The following ADAMTS17 variants were observed in gnomAD, a reference collection of about 807,000 sequenced individuals.
ADAMTS17 encodes the protein A disintegrin and metalloproteinase with thrombospondin motifs 17.
ADAMTS17 carries 113 observed loss-of-function variants against 141.5 expected under a neutral mutation model. The observed-to-expected ratio is 0.80, with a 90% CI of 0.69 to 0.93. The LOEUF (loss-of-function observed/expected upper bound fraction) is 0.93. Among genes scored for constraint, ADAMTS17 ranks in the 40% least tolerant of loss-of-function variants. The probability of loss-of-function intolerance (pLI) is 0.00; values close to 1 mark genes in which losing one functional copy is unlikely to be tolerated. For missense variants in ADAMTS17, 1,659 were observed against 1,517.9 expected (o/e 1.09, Z -1.54); for synonymous variants, 768 against 630.6 (o/e 1.22, Z -3.27).
intron 8 of ADAMTS17, among the ~76,000 whole-genome samples, chr15:100,164,551 T>C (rs1423962750): frequency 6.6e-6 from 1 of 152,140 alleles, no homozygotes; most frequent in Non-Finnish European, 1.5e-5. Context: ...GTAGGCACAG[T>C]GGAGAAGAAT....
At chr15:100,003,111 G>A (rs1308302723) in intron 18 of ADAMTS17, among the ~76,000 whole-genome samples, 2 of 151,992 alleles carry the variant, frequency 1.3e-5, no homozygotes, top group Non-Finnish European at 2.9e-5. Flanking sequence ...TCCACCTGCC[G>A]AGAGCACAGC....
At chr15:100,049,444 G>A (rs913539155) in intron 17 of ADAMTS17, among the ~76,000 whole-genome samples, 20 of 152,196 alleles carry the variant, frequency 1.3e-4, no homozygotes, top group Non-Finnish European at 2.5e-4. Context: ...GGGAGATGAG[G>A]AGTCTGGTCT....
chr15:100,332,276 G>A (rs2141959889), intron 2 of ADAMTS17, among the ~76,000 whole-genome samples: 1 of 152,348 alleles, frequency 6.6e-6, no homozygotes, highest in East Asian at 1.9e-4. Flanking sequence ...GGAAACTTTG[G>A]GGAAACTGAA....
At chr15:100,169,576 G>A (rs573267984) in intron 8 of ADAMTS17, among the ~76,000 whole-genome samples, 1 of 152,314 alleles carries the variant, frequency 6.6e-6, no homozygotes, top group Middle Eastern at 3.4e-3. Context: ...GCTTGAGCCC[G>A]GGCAGCCCAT....
intron 3 of ADAMTS17, among the ~76,000 whole-genome samples, chr15:100,318,134 G>A (rs1435190638): frequency 2.6e-5 from 4 of 152,182 alleles, no homozygotes; most frequent in South Asian, 2.1e-4. Flanking sequence ...ATGATGAGAC[G>A]ATGACATTTC....
At chr15:100,109,990 C>A (rs35144966) in intron 13 of ADAMTS17, among the ~76,000 whole-genome samples, 70,108 of 151,376 alleles carry the variant, frequency 0.46, 16,327 homozygotes, top group Admixed American at 0.5. Flanking sequence ...CCTCCCATAT[C>A]TGAAGGGATT....
rs556266424 is a variant in ADAMTS17, at chr15:100,264,845, TAC to T, written c.790-2412_790-2411del. Reference sequence around the variant, plus strand: ...CAAAAATGGGAAGGTGTTTAATGGGTACAGAGTTTCCGTTTTGCAAGATAAAA... The same window carrying T: ...CAAAAATGGGAAGGTGTTTAATGGGTAGAGTTTCCGTTTTGCAAGATAAAA... On this transcript the variant is annotated intron_variant, in intron 4 of 21. Coordinates refer to ENST00000268070, the MANE Select transcript of ADAMTS17 (RefSeq NM_139057.4). Among the ~76,000 whole-genome samples, 403 of 152,202 alleles carry T rather than the reference TAC, an allele frequency of 2.6e-3. 1 individual carries two copies. Among genetic ancestry groups the T allele is most frequent in the Non-Finnish European group, 4.4e-3 (296 of 68,002 alleles).
intron 8 of ADAMTS17, among the ~76,000 whole-genome samples, chr15:100,159,046 T>A (rs111235838): frequency 6.6e-6 from 1 of 152,130 alleles, no homozygotes; most frequent in African/African-American, 2.4e-5. Flanking sequence ...ATAGATGCTA[T>A]GAAAAAAACA....
chr15:100,132,736 A>G (rs569786212), intron 11 of ADAMTS17, among the ~76,000 whole-genome samples: 2 of 152,314 alleles, frequency 1.3e-5, no homozygotes, highest in African/African-American at 4.8e-5. Flanking sequence ...AATTCTTGCA[A>G]TAAGACTGGA....
chr15:100,114,854 C>T (rs1161321555), intron 13 of ADAMTS17, among the ~76,000 whole-genome samples: 1 of 152,194 alleles, frequency 6.6e-6, no homozygotes, highest in African/African-American at 2.4e-5. Flanking sequence ...TCCAGCCATC[C>T]AAAAGCGGTC....
rs1285718218 is a variant in ADAMTS17, at chr15:100,152,702, G to A, written c.1383C>T (p.Leu461=). 6.2e-7 allele frequency: 1 copy of A among 1,614,246 alleles called. No individual in the cohort carries two copies. The change falls in exon 10 of 22, where the codon CTC becomes CTT. Residue 461 remains leucine (L), a synonymous_variant. Coordinates refer to ENST00000268070, the MANE Select transcript of ADAMTS17 (RefSeq NM_139057.4). ...TDPRSQHTVR[L]PHKLPGMHYS... is the part of the protein sequence containing the mutation. ...AGTGCATGCCCGGCAGCTTGTGCGG[G>A]AGGCGTACTGTGTGCTGGCTTCTGG...
At chr15:100,284,602 G>A (rs892685568) in intron 3 of ADAMTS17, among the ~76,000 whole-genome samples, 1 of 152,158 alleles carries the variant, frequency 6.6e-6, no homozygotes, top group Non-Finnish European at 1.5e-5. Context: ...AGGGGTGGGA[G>A]GCTAGAGGGC....
intron 18 of ADAMTS17, among the ~76,000 whole-genome samples, chr15:100,040,195 G>C (rs112628402): frequency 6.6e-6 from 1 of 152,264 alleles, no homozygotes; most frequent in South Asian, 2.1e-4. Context: ...GGAAAGGGCC[G>C]TTTTGAGACG....
intron 18 of ADAMTS17, among the ~76,000 whole-genome samples, chr15:100,036,766 C>G (rs2622532): frequency 0.076 from 11,572 of 152,154 alleles, 1,099 homozygotes; most frequent in African/African-American, 0.22. Flanking sequence ...GCACTAGGCA[C>G]CCACCCATCT....
intron 3 of ADAMTS17, among the ~76,000 whole-genome samples, chr15:100,301,626 C>T (rs1415799451): frequency 6.6e-6 from 1 of 151,936 alleles, no homozygotes; most frequent in African/African-American, 2.4e-5. Context: ...TCACCACGCC[C>T]AGCTTATGTA....
chr15:100,153,903 G>A (rs146471060), intron 9 of ADAMTS17, among the ~76,000 whole-genome samples: 19 of 152,246 alleles, frequency 1.2e-4, no homozygotes, highest in South Asian at 2.1e-4. Flanking sequence ...GATCTTGGCC[G>A]GGCGCGGTAG....
At chr15:100,171,696 A>G (rs540819808) in intron 8 of ADAMTS17, among the ~76,000 whole-genome samples, 1 of 152,276 alleles carries the variant, frequency 6.6e-6, no homozygotes, top group Admixed American at 6.5e-5. Flanking sequence ...AACCCCCAAA[A>G]GCAGGACTGG....
chr15:100,007,684 C>T (rs573071453), intron 18 of ADAMTS17, among the ~76,000 whole-genome samples: 29 of 152,020 alleles, frequency 1.9e-4, no homozygotes, highest in African/African-American at 3.4e-4. Context: ...AAGGAGCACC[C>T]GGGGAGGAGC....
rs568393694 is a variant in ADAMTS17 at position 100,071,436 on chromosome 15, C to A, written c.2138-17382G>T. ...ATACCAAAGCCTGGCAGAGACACAACAAAAAAAGAGAATTTTAGACCAATA... is the reference window on the plus strand; with the variant it reads ...ATACCAAAGCCTGGCAGAGACACAAAAAAAAAAGAGAATTTTAGACCAATA... On this transcript the variant is annotated intron_variant, in intron 15 of 21. Transcript: ENST00000268070. Among the ~76,000 whole-genome samples, 333 of 149,632 alleles carry A rather than the reference C, an allele frequency of 2.2e-3. 17 individuals are homozygous for A. The highest frequency in any genetic ancestry group is 7.8e-3 in the African/African-American group (317 of 40,450).
Sources: gnomAD v4.1 joint callset for allele counts (sites outside exome capture counted in the v4.1 genomes callset) on GRCh38, gnomAD v4.1.1 for gene constraint, MANE v1.5 for transcripts, NCBI Gene and HGNC (gene_info 2026-07-23, HGNC 2026-07-21) for gene names.